LRIG1: variants seen among roughly 807,000 people sequenced by gnomAD.
The protein encoded by LRIG1 is leucine rich repeats and immunoglobulin like domains 1.
Under a neutral mutation model 99.2 loss-of-function variants are expected in LRIG1, and 48 were observed. The ratio of observed to expected loss-of-function variants is 0.48; its 90% confidence interval spans 0.38 to 0.62. The LOEUF is 0.62. LRIG1 is among the 20% of genes least tolerant of loss of function. The pLI, the probability that LRIG1 is intolerant of heterozygous loss-of-function variation, is 0.00. For synonymous variants in LRIG1, 772 were observed against 596.1 expected (o/e 1.29, Z -4.30); for missense variants, 1,646 against 1,434.4 (o/e 1.15, Z -2.38).
At chr3:66,415,995 G>A (rs1449399581) in intron 4 of LRIG1, among the ~76,000 whole-genome samples, 2 of 152,174 alleles carry the variant, frequency 1.3e-5, no homozygotes, top group Non-Finnish European at 2.9e-5. Context: ...CCTAGGACAA[G>A]GCACATAAGG....
intron 1 of LRIG1, among the ~76,000 whole-genome samples, chr3:66,474,134 A>G (rs1288330569): frequency 6.6e-6 from 1 of 152,158 alleles, no homozygotes; most frequent in Non-Finnish European, 1.5e-5. Context: ...CTATTAAAAC[A>G]TGGAACTTCC....
chr3:66,382,303 G>C lies in LRIG1; in HGVS notation c.2587C>G (p.Pro863Ala). The C allele has an allele frequency of 1.2e-6, 2 of 1,614,152 alleles. No individual in the cohort carries two copies. The highest frequency in any genetic ancestry group is 1.7e-6 in the Non-Finnish European group (2 of 1,180,036). The change falls in exon 16 of 19, where the codon CCT becomes GCT. Residue 863 changes from proline (P) to alanine (A), a missense_variant. Coordinates refer to ENST00000273261, the MANE Select transcript of LRIG1 (RefSeq NM_015541.3). ...QETVVRTEGG[P>A]QANGHIESNG... ...CTCTCAATGTGCCCATTGGCCTGAG[G>C]GCCACCCTCGGTCCTGACCACGGTT... is the stretch of plus-strand genomic sequence containing the variant.
chr3:66,381,980 G>A (rs1018691467), intron 16 of LRIG1, among the ~76,000 whole-genome samples: 1 of 152,116 alleles, frequency 6.6e-6, no homozygotes, highest in African/African-American at 2.4e-5. Flanking sequence ...GGTTGGCTGG[G>A]TTCATGCACC....
At chr3:66,380,949 G>A in intron 17 of LRIG1, 88 bp from the exon 18 acceptor site, 1 of 1,392,320 alleles carries the variant, frequency 7.2e-7, no homozygotes. Context: ...GCTCCACTGT[G>A]CAAGGTGAGA....
intron 3 of LRIG1, among the ~76,000 whole-genome samples, chr3:66,429,810 G>C (rs979450251): frequency 6.6e-6 from 1 of 151,866 alleles, no homozygotes; most frequent in African/African-American, 2.4e-5. Context: ...GTGTGTGTGT[G>C]AGGGGGAGAG....
At chr3:66,404,543 C>A in intron 9 of LRIG1, 1 of 534,096 alleles carries the variant, frequency 1.9e-6, no homozygotes, top group Non-Finnish European at 2.7e-6. Context: ...CCTGAGCCTG[C>A]CACTTGCCAG....
chr3:66,460,372 G>C (rs1317357441), intron 2 of LRIG1, among the ~76,000 whole-genome samples: 1 of 152,182 alleles, frequency 6.6e-6, no homozygotes, highest in Non-Finnish European at 1.5e-5. Flanking sequence ...GATGGCCTGG[G>C]TTTATCATCT....
chr3:66,451,712 A>C, intron 2 of LRIG1, 79 bp from the exon 3 acceptor site: 2 of 1,033,266 alleles, frequency 1.9e-6, no homozygotes, highest in Non-Finnish European at 3.0e-6. Flanking sequence ...GAAATAAACA[A>C]ACGCTGCTAA....
At chr3:66,461,487 A>G (rs553555324) in intron 2 of LRIG1, among the ~76,000 whole-genome samples, 3 of 152,340 alleles carry the variant, frequency 2.0e-5, no homozygotes, top group Non-Finnish European at 4.4e-5. Flanking sequence ...GACATTCAAA[A>G]ACTTTTAATT....
chr3:66,432,195 A>C (rs913236287), intron 3 of LRIG1, among the ~76,000 whole-genome samples: 3 of 152,100 alleles, frequency 2.0e-5, no homozygotes, highest in Admixed American at 6.5e-5. Flanking sequence ...TTCCACACAG[A>C]ACCTCCTCCT....
intron 12 of LRIG1, among the ~76,000 whole-genome samples, chr3:66,391,002 A>C (rs1448995551): frequency 6.8e-6 from 1 of 146,798 alleles, no homozygotes; most frequent in Admixed American, 6.8e-5. Flanking sequence ...TGATTTAAAT[A>C]GCTGTTTTTC....
chr3:66,418,077 G>GTT (rs141622151), intron 3 of LRIG1, among the ~76,000 whole-genome samples: 1 of 148,162 alleles, frequency 6.7e-6, no homozygotes, highest in African/African-American at 2.5e-5. Context: ...TGTAACTTGT[G>GTT]TTTTTTTTTT....
At chr3:66,465,331 A>C (rs1419387053) in intron 1 of LRIG1, among the ~76,000 whole-genome samples, 1 of 151,482 alleles carries the variant, frequency 6.6e-6, no homozygotes, top group East Asian at 1.9e-4. Flanking sequence ...TGTTGGCCCA[A>C]TTCAAGAAGA....
intron 9 of LRIG1, among the ~76,000 whole-genome samples, chr3:66,403,259 A>AT (rs1397129772): frequency 2.0e-5 from 3 of 152,076 alleles, no homozygotes; most frequent in Admixed American, 6.5e-5. Context: ...AAAATGATTC[A>AT]TTTTTTTCTT....
intron 13 of LRIG1, among the ~76,000 whole-genome samples, chr3:66,385,116 G>C (rs539381302): frequency 1.3e-5 from 2 of 152,216 alleles, no homozygotes; most frequent in East Asian, 3.9e-4. Flanking sequence ...TACTGGGGTG[G>C]GACAGTAAAC....
chr3:66,417,090 C>G (rs961131447), intron 4 of LRIG1, 39 bp downstream of exon 4: 1 of 1,606,470 alleles, frequency 6.2e-7, no homozygotes, highest in South Asian at 1.1e-5. Flanking sequence ...TGGCTGGACA[C>G]AGCGGGCCAG....
intron 2 of LRIG1, among the ~76,000 whole-genome samples, chr3:66,460,172 G>C (rs1460358814): frequency 6.6e-6 from 1 of 152,196 alleles, no homozygotes; most frequent in Non-Finnish European, 1.5e-5. Context: ...CTCCTGGACA[G>C]AGGAGATGCT....
intron 3 of LRIG1, among the ~76,000 whole-genome samples, chr3:66,437,119 G>A (rs999065228): frequency 6.6e-6 from 1 of 152,226 alleles, no homozygotes; most frequent in African/African-American, 2.4e-5. Flanking sequence ...CGTCTCTGCA[G>A]TGGGGAACGG....
At chr3:66,464,124 T>C (rs553396504) in intron 1 of LRIG1, among the ~76,000 whole-genome samples, 5 of 152,294 alleles carry the variant, frequency 3.3e-5, no homozygotes, top group East Asian at 1.9e-4. Context: ...AAGGACTTAA[T>C]AGACTGAGAT....
Sources: allele counts gnomAD v4.1 joint callset (sites outside exome capture counted in the v4.1 genomes callset), GRCh38; gene constraint gnomAD v4.1.1; transcripts MANE v1.5; gene names NCBI Gene and HGNC (gene_info 2026-07-23, HGNC 2026-07-21).